The following STAB2 variants were observed in gnomAD, a reference collection of about 807,000 sequenced individuals.
STAB2 encodes stabilin-2.
STAB2 carries 288 observed loss-of-function variants against 338.1 expected under a neutral mutation model. The ratio of observed to expected loss-of-function variants is 0.85; its 90% CI spans 0.77 to 0.94. STAB2 has a LOEUF of 0.94. Among genes scored for constraint, STAB2 ranks in the 40% least tolerant of loss-of-function variants. The probability of loss-of-function intolerance (pLI) is 0.00; values close to 1 mark genes in which losing one functional copy is unlikely to be tolerated. For synonymous variants in STAB2, 1,202 were observed against 1,193.3 expected (o/e 1.01, Z -0.15); for missense variants, 3,141 against 3,210.1 (o/e 0.98, Z 0.52).
intron 15 of STAB2, chr12:103,657,862 G>A (rs1874310858): frequency 1.3e-5 from 2 of 152,190 alleles, no homozygotes; most frequent in African/African-American, 4.8e-5. Flanking sequence ...TATCTTCAAG[G>A]AAGAGTGCAG....
chr12:103,689,441 C>A (rs890711727), intron 28 of STAB2, among the ~76,000 whole-genome samples: 8 of 151,570 alleles, frequency 5.3e-5, no homozygotes, highest in African/African-American at 1.9e-4. Flanking sequence ...TGAGATCACA[C>A]CACTGCACTC....
intron 12 of STAB2, among the ~76,000 whole-genome samples, chr12:103,653,401 A>G (rs573002677): frequency 4.2e-4 from 64 of 152,354 alleles, no homozygotes; most frequent in African/African-American, 1.5e-3. Context: ...GAGGGACTTC[A>G]TAATCCCTGT....
In STAB2 at chr12:103,735,546, A is replaced by G. The variant is rs1417365812; in HGVS notation, c.5516A>G (p.Glu1839Gly). Residue 1839 changes from glutamate to glycine, a missense_variant, in exon 52 of 69, where the codon GAG (glutamate) becomes GGG (glycine). By Grantham distance (98) the Glu-to-Gly change is moderately conservative. Coordinates refer to ENST00000388887, the MANE Select transcript of STAB2 (RefSeq NM_017564.10). ...GCCTGGAAGACCCTGCAAGGTTCAGAGCTGAGTGTGAAATGTGGAGCTGGC... is the reference window on the plus strand; with the variant it reads ...GCCTGGAAGACCCTGCAAGGTTCAGGGCTGAGTGTGAAATGTGGAGCTGGC... Reference protein sequence around the residue: ...STAWKTLQGSELSVKCGAGRD... With the variant: ...STAWKTLQGSGLSVKCGAGRD... The G allele has an allele frequency of 6.6e-7, 1 of 1,525,274 alleles. No homozygotes were observed. Among genetic ancestry groups the G allele is most frequent in the Non-Finnish European group, 8.9e-7 (1 of 1,124,256 alleles). 94.5% of individuals were successfully genotyped at this position (1,525,274 alleles called of 1,614,324 possible).
In STAB2 at chr12:103,749,164, G is replaced by C. The variant is rs202210397; in HGVS notation, c.6438+8G>C. On this transcript the variant is annotated splice_region_variant and intron_variant, in intron 59 of 68. Transcript: ENST00000388887. The stretch of plus-strand genomic sequence containing the variant: ...TGTAAGATGACAGGCCCGGTGAGTC[G>C]CTCTTTCCCAGGGAAATTTGGGAGC... 2.5e-6 allele frequency: 4 copies of C among 1,585,864 alleles called. No homozygotes were observed. The South Asian group carries it at 4.5e-5, about 18-fold the overall frequency.
intron 52 of STAB2, among the ~76,000 whole-genome samples, chr12:103,736,170 A>G (rs534635111): frequency 2.0e-4 from 30 of 152,368 alleles, no homozygotes; most frequent in Admixed American, 4.6e-4. Context: ...ATTCTCTTTC[A>G]TAAAAGAAAT....
At position 103,734,892 on chromosome 12, in the gene STAB2, T is replaced by C. The variant is rs186050823; in HGVS notation, c.5461-599T>C. Among the ~76,000 whole-genome samples, 108 of 152,314 alleles carry C rather than the reference T, an allele frequency of 7.1e-4. 2 individuals carry two copies. The highest frequency in any genetic ancestry group is 1.8e-3 in the African/African-American group (76 of 41,566). Reference sequence around the variant, plus strand: ...GAAATCCTTGGTGCTCCTGGATTTGTAGTGTATCCCTCCAATCTGTCTCTG... The same window carrying C: ...GAAATCCTTGGTGCTCCTGGATTTGCAGTGTATCCCTCCAATCTGTCTCTG... On this transcript the variant is annotated intron_variant, in intron 51 of 68. Transcript: ENST00000388887.
intron 6 of STAB2, among the ~76,000 whole-genome samples, chr12:103,635,191 A>G (rs1015882243): frequency 1.3e-5 from 2 of 152,208 alleles, no homozygotes; most frequent in African/African-American, 4.8e-5. Context: ...AAAACATAGT[A>G]TCTCCCTCAG....
intron 53 of STAB2, among the ~76,000 whole-genome samples, chr12:103,738,057 C>G (rs1236143321): frequency 2.0e-5 from 3 of 152,176 alleles, no homozygotes; most frequent in Non-Finnish European, 4.4e-5. Flanking sequence ...GGATACCAAC[C>G]ATATGCCAAC....
chr12:103,705,167 T>C (rs1342583897), intron 36 of STAB2: 1 of 157,070 alleles, frequency 6.4e-6, no homozygotes, highest in Non-Finnish European at 1.4e-5. Flanking sequence ...TAATTTATGA[T>C]AAATTTTAAT....
chr12:103,608,934 T>C (rs898272260), intron 3 of STAB2, among the ~76,000 whole-genome samples: 1 of 152,254 alleles, frequency 6.6e-6, no homozygotes, highest in African/African-American at 2.4e-5. Context: ...CACCATTTAT[T>C]AAATAGGAAA....
At chr12:103,702,444 G>A (rs1254362769) in intron 34 of STAB2, among the ~76,000 whole-genome samples, 3 of 151,942 alleles carry the variant, frequency 2.0e-5, no homozygotes, top group East Asian at 3.9e-4. Context: ...GACTACAGGC[G>A]CCCGCCACCG....
chr12:103,691,782 C>T (rs1877959421), intron 30 of STAB2, among the ~76,000 whole-genome samples: 1 of 152,120 alleles, frequency 6.6e-6, no homozygotes, highest in Non-Finnish European at 1.5e-5. Flanking sequence ...TTCAGGTCCT[C>T]TGCAGATGTG....
rs899852876 is a variant in STAB2, at chr12:103,733,097, C to T, written c.5375C>T (p.Ala1792Val). The T allele has an allele frequency of 3.1e-6, 5 of 1,614,060 alleles. No individual in the cohort carries two copies. The highest frequency in any genetic ancestry group is 1.7e-5 in the Admixed American group (1 of 60,002). The change falls in exon 51 of 69, where the codon GCT becomes GTT. Residue 1792 changes from alanine (A) to valine (V), a missense_variant. By Grantham distance (64) the Ala-to-Val change is moderately conservative. Coordinates refer to ENST00000388887, the MANE Select transcript of STAB2 (RefSeq NM_017564.10). ...PTDQALHALP[A>V]EQQDFLFNQD... ...GACCAAGCCCTCCATGCCCTACCTGCTGAACAACAGGACTTCCTGTTCAAC... is the reference window on the plus strand; with the variant it reads ...GACCAAGCCCTCCATGCCCTACCTGTTGAACAACAGGACTTCCTGTTCAAC...
intron 27 of STAB2, 23 bp from the exon 28 acceptor site, chr12:103,688,145 C>T (rs1452663117): frequency 5.6e-6 from 9 of 1,611,000 alleles, no homozygotes; most frequent in Non-Finnish European, 7.6e-6. Context: ...CTCTTCTTCC[C>T]TCCCTTGCAT....
chr12:103,693,911 G>A (rs1878173995), intron 31 of STAB2, among the ~76,000 whole-genome samples: 1 of 151,958 alleles, frequency 6.6e-6, no homozygotes, highest in Non-Finnish European at 1.5e-5. Flanking sequence ...CCAGCACTTT[G>A]GGAGGCCGAG....
At chr12:103,686,479 G>A (rs1374785148) in intron 27 of STAB2, among the ~76,000 whole-genome samples, 3 of 152,078 alleles carry the variant, frequency 2.0e-5, no homozygotes, top group African/African-American at 7.2e-5. Flanking sequence ...TGGCTCTCCA[G>A]GTATCTCCAC....
In STAB2 at chr12:103,662,832, T is replaced by G; in HGVS notation, c.1870-14T>G. On this transcript the variant is annotated splice_polypyrimidine_tract_variant and intron_variant, in intron 17 of 68. Transcript: ENST00000388887. ...GAATAGTACAGAATTAGAGATGTCA[T>G]TTTTTCTTTCCAGGGACAGATTCTG... The G allele has an allele frequency of 6.2e-7, 1 of 1,613,836 alleles. No homozygotes were observed. Among genetic ancestry groups the G allele is most frequent in the Non-Finnish European group, 8.5e-7 (1 of 1,179,910 alleles).
chr12:103,672,881 G>C (rs1875949133), intron 22 of STAB2, among the ~76,000 whole-genome samples: 1 of 152,192 alleles, frequency 6.6e-6, no homozygotes, highest in African/African-American at 2.4e-5. Flanking sequence ...GTCACGAACG[G>C]AAATGGACTT....
intron 33 of STAB2, among the ~76,000 whole-genome samples, chr12:103,696,053 A>G (rs933640830): frequency 7.2e-5 from 11 of 152,144 alleles, no homozygotes; most frequent in Non-Finnish European, 1.5e-4. Context: ...GGAATTGCAC[A>G]CTTGAGCCTG....
Sources: gnomAD v4.1 joint callset for allele counts (sites outside exome capture counted in the v4.1 genomes callset) on GRCh38, gnomAD v4.1.1 for gene constraint, MANE v1.5 for transcripts, NCBI Gene and HGNC (gene_info 2026-07-23, HGNC 2026-07-21) for gene names.